TAB2: variants seen among roughly 807,000 people sequenced by gnomAD.
TAB2 encodes TGF-beta activated kinase 1 (MAP3K7) binding protein 2, also known as TGF-beta-activated kinase 1 and MAP3K7-binding protein 2.
TAB2 carries 3 observed loss-of-function variants against 65.0 expected under a neutral mutation model. That is an observed-to-expected ratio of 0.05 (90% CI 0.02 to 0.12). The LOEUF (loss-of-function observed/expected upper bound fraction) is 0.12, where lower values mean the gene tolerates loss of function less well. Ranked by LOEUF, TAB2 falls within the 10% of genes least tolerant of loss-of-function variation. The probability of loss-of-function intolerance (pLI) is 1.00; values close to 1 mark genes in which losing one functional copy is unlikely to be tolerated. For synonymous variants in TAB2, 298 were observed against 285.1 expected (o/e 1.05, Z -0.46); for missense variants, 623 against 840.3 (o/e 0.74, Z 3.20).
At chr6:149,316,833 G>A (rs1347497795), upstream of TAB2, among the ~76,000 whole-genome samples, 1 of 152,074 alleles carries the variant, frequency 6.6e-6, no homozygotes, top group Admixed American at 6.5e-5. Context: ...AAAGTCAGAA[G>A]CCGACACTTT....
rs548317483 is a variant in TAB2 at position 149,356,282 on chromosome 6, T to C, written c.-89-13627T>C. Among the ~76,000 whole-genome samples the C allele has an allele frequency of 9.2e-5, 14 of 152,276 alleles. No homozygotes were observed. The East Asian group carries it at 2.7e-3, about 29-fold the overall frequency. On this transcript the variant is annotated intron_variant, in intron 1 of 6. Coordinates refer to ENST00000637181, the MANE Select transcript of TAB2 (RefSeq NM_001292034.3). ...TTTCACAGTGATTCTGTGACTAAAATTGGGGGTTAACTGAAAGTGAGACTC... is the reference window on the plus strand; with the variant it reads ...TTTCACAGTGATTCTGTGACTAAAACTGGGGGTTAACTGAAAGTGAGACTC...
intron 1 of TAB2, among the ~76,000 whole-genome samples, chr6:149,290,047 G>C (rs367731532): frequency 6.6e-6 from 1 of 152,168 alleles, no homozygotes; most frequent in Non-Finnish European, 1.5e-5. Context: ...GAAGCCTCCA[G>C]GTAGCAGGTT....
At chr6:149,375,654 G>T (rs574277524) in intron 2 of TAB2, among the ~76,000 whole-genome samples, 2 of 152,188 alleles carry the variant, frequency 1.3e-5, no homozygotes, top group Admixed American at 1.3e-4. Flanking sequence ...CTGAGCTTTG[G>T]CTTAGAAGGA....
At chr6:149,260,266 C>T (rs1778124543) in intron 1 of TAB2, among the ~76,000 whole-genome samples, 1 of 152,182 alleles carries the variant, frequency 6.6e-6, no homozygotes, top group South Asian at 2.1e-4. Context: ...AGGTAGCTGG[C>T]CAGGTGACCG....
rs1309838796 is a variant in TAB2, at chr6:149,308,500, ATT to A, written c.-120-69516_-120-69515del. Reference sequence around the variant, plus strand: ...TTTTTAACCATTAGTGATATTTTCTATTTATTTATTTATTTATTTACTTATTT... The same window carrying A: ...TTTTTAACCATTAGTGATATTTTCTATATTTATTTATTTATTTACTTATTT... On this transcript the variant is annotated intron_variant, in intron 1 of 1. Coordinates refer to the TAB2 transcript ENST00000606202. Among the ~76,000 whole-genome samples the A allele has an allele frequency of 2.6e-3, 300 of 116,382 alleles. 2 individuals are homozygous for A. The highest frequency in any genetic ancestry group is 9.5e-3 in the African/African-American group (287 of 30,316). 76.4% of individuals were successfully genotyped at this position (116,382 alleles called of 152,430 possible). A position where few individuals can be genotyped will look rare whatever the true frequency, so the allele number is the denominator to read the frequency against.
intron 1 of TAB2, among the ~76,000 whole-genome samples, chr6:149,324,314 A>G (rs1242443222): frequency 2.6e-5 from 4 of 152,186 alleles, no homozygotes; most frequent in South Asian, 2.1e-4. Context: ...AAAATAATCC[A>G]TTAAAATGTG....
At chr6:149,284,307 A>G (rs905752805) in intron 1 of TAB2, among the ~76,000 whole-genome samples, 2 of 152,074 alleles carry the variant, frequency 1.3e-5, no homozygotes, top group African/African-American at 2.4e-5. Context: ...GACTAAACCA[A>G]TGGGTGACTT....
chr6:149,396,016 G>C (rs2114937270), intron 3 of TAB2, among the ~76,000 whole-genome samples: 1 of 151,336 alleles, frequency 6.6e-6, no homozygotes, highest in South Asian at 2.1e-4. Flanking sequence ...TTCTCTCTCT[G>C]TCTCCCCCTA....
intron 1 of TAB2, among the ~76,000 whole-genome samples, chr6:149,335,301 A>G (rs148059383): frequency 1.1e-4 from 17 of 151,256 alleles, no homozygotes; most frequent in South Asian, 6.3e-4. Flanking sequence ...TTATATATAG[A>G]TATGTATGTA....
At chr6:149,382,048 C>A (rs1781628692) in intron 3 of TAB2, among the ~76,000 whole-genome samples, 1 of 152,198 alleles carries the variant, frequency 6.6e-6, no homozygotes, top group Non-Finnish European at 1.5e-5. Flanking sequence ...CTTCTCTGCA[C>A]ATGATCACTA....
intron 1 of TAB2, among the ~76,000 whole-genome samples, chr6:149,253,419 G>C (rs530260686): frequency 6.6e-6 from 1 of 152,118 alleles, no homozygotes; most frequent in Admixed American, 6.5e-5. Context: ...TCAGGAGTTT[G>C]AGACCAGCCT....
chr6:149,356,271 T>C (rs1177400752), intron 1 of TAB2, among the ~76,000 whole-genome samples: 2 of 152,244 alleles, frequency 1.3e-5, no homozygotes, highest in East Asian at 3.8e-4. Context: ...ACAGTGATTC[T>C]GTGACTAAAA....
intron 1 of TAB2, among the ~76,000 whole-genome samples, chr6:149,364,466 C>G (rs151159421): frequency 3.3e-5 from 5 of 151,944 alleles, no homozygotes; most frequent in Non-Finnish European, 5.9e-5. Context: ...GGCAGCAGAC[C>G]GAGTGCAGAA....
chr6:149,338,026 A>G (rs1271622681), intron 1 of TAB2, among the ~76,000 whole-genome samples: 4 of 152,180 alleles, frequency 2.6e-5, no homozygotes. Context: ...AATATTATAC[A>G]GGTCCACAAT....
intron 1 of TAB2, among the ~76,000 whole-genome samples, chr6:149,296,184 C>T (rs539819751): frequency 2.0e-5 from 3 of 152,276 alleles, no homozygotes; most frequent in South Asian, 2.1e-4. Context: ...TGCTCCTGCC[C>T]GTGAGGGTCA....
At chr6:149,268,651 C>G (rs974726087) in intron 1 of TAB2, among the ~76,000 whole-genome samples, 15 of 152,152 alleles carry the variant, frequency 9.9e-5, no homozygotes, top group African/African-American at 3.4e-4. Flanking sequence ...CATGGAGAAC[C>G]ACTGCCTAGC....
At chr6:149,401,750 A>T (rs1340740308) in intron 6 of TAB2, among the ~76,000 whole-genome samples, 1 of 152,196 alleles carries the variant, frequency 6.6e-6, no homozygotes, top group East Asian at 1.9e-4. Flanking sequence ...ACCTAAGAAG[A>T]TAGAAATCAT....
chr6:149,292,367 A>G (rs1487313622), intron 1 of TAB2, among the ~76,000 whole-genome samples: 3 of 152,242 alleles, frequency 2.0e-5, no homozygotes, highest in African/African-American at 7.2e-5. Flanking sequence ...AAGTCAAGAT[A>G]AAAAGCACAG....
intron 1 of TAB2, among the ~76,000 whole-genome samples, chr6:149,297,590 T>A (rs1778900076): frequency 6.6e-6 from 1 of 152,222 alleles, no homozygotes; most frequent in African/African-American, 2.4e-5. Context: ...AGTGGCATGA[T>A]CATAGCTCAC....
Sources: gnomAD v4.1 joint callset for allele counts (sites outside exome capture counted in the v4.1 genomes callset) on GRCh38, gnomAD v4.1.1 for gene constraint, MANE v1.5 for transcripts, NCBI Gene and HGNC (gene_info 2026-07-23, HGNC 2026-07-21) for gene names.